Variants in SLC36A1 observed in about 807,000 individuals in gnomAD.
SLC36A1 encodes solute carrier family 36 member 1.
Under a neutral mutation model 47.5 loss-of-function variants are expected in SLC36A1, and 30 were observed. That is an observed-to-expected ratio of 0.63 (90% confidence interval 0.47 to 0.86). SLC36A1 has a LOEUF of 0.86. Among genes scored for constraint, SLC36A1 ranks in the 40% least tolerant of loss-of-function variants. SLC36A1 has a pLI of 0.00. For synonymous variants in SLC36A1, 255 were observed against 249.7 expected (o/e 1.02, Z -0.20); for missense variants, 517 against 606.0 (o/e 0.85, Z 1.54).
the SLC36A1 span, among the ~76,000 whole-genome samples, chr5:151,515,467 C>T: frequency 6.6e-6 from 1 of 152,132 alleles, no homozygotes; most frequent in Admixed American, 6.5e-5. Flanking sequence ...CTTGTCTTAC[C>T]AGATCCACTT....
chr5:151,520,492 A>G, the SLC36A1 span, among the ~76,000 whole-genome samples: 4 of 152,090 alleles, frequency 2.6e-5, no homozygotes, highest in Admixed American at 1.3e-4. Flanking sequence ...TTTAGGTGAC[A>G]TCTACACAGA....
downstream of SLC36A1, among the ~76,000 whole-genome samples, chr5:151,497,096 T>G (rs1760366597): frequency 1.3e-5 from 2 of 152,180 alleles, no homozygotes; most frequent in Admixed American, 1.3e-4. Flanking sequence ...CCAGTGTCTA[T>G]CTCTTTTCTT....
chr5:151,522,654 C>T, the SLC36A1 span, among the ~76,000 whole-genome samples: 1 of 152,216 alleles, frequency 6.6e-6, no homozygotes, highest in Non-Finnish European at 1.5e-5. Context: ...AGGAAATAAA[C>T]AGAGACCTAA....
the SLC36A1 span, among the ~76,000 whole-genome samples, chr5:151,539,473 G>A: frequency 2.6e-5 from 4 of 152,088 alleles, no homozygotes; most frequent in African/African-American, 4.8e-5. Context: ...TAGGTATATA[G>A]GTATATGCTT....
At chr5:151,508,580 C>G in the SLC36A1 span, among the ~76,000 whole-genome samples, 1 of 152,092 alleles carries the variant, frequency 6.6e-6, no homozygotes, top group African/African-American at 2.4e-5. Flanking sequence ...TGTTATGGCA[C>G]ATGCCTGTAA....
At chr5:151,537,715 A>G in the SLC36A1 span, 3 of 1,399,506 alleles carry the variant, frequency 2.1e-6, no homozygotes, top group East Asian at 2.3e-5. Flanking sequence ...TTCTTCTCCA[A>G]GGAGAATACC....
the SLC36A1 span, chr5:151,512,538 C>A: frequency 6.2e-7 from 1 of 1,614,186 alleles, no homozygotes; most frequent in African/African-American, 1.3e-5. The surrounding 1 kb of genome is among the most constrained non-coding windows in gnomAD (Gnocchi z 4.1). Context: ...TCACATGGCG[C>A]TGGGAGGAAA....
chr5:151,498,250 G>T, the SLC36A1 span, among the ~76,000 whole-genome samples: 1 of 152,044 alleles, frequency 6.6e-6, no homozygotes, highest in Non-Finnish European at 1.5e-5. Flanking sequence ...CGGCCAGGGG[G>T]GTGGGAATGT....
intron 2 of SLC36A1, among the ~76,000 whole-genome samples, chr5:151,462,779 G>GTTA (rs59698783): frequency 0.053 from 7,968 of 151,238 alleles, 711 homozygotes; most frequent in African/African-American, 0.18. Context: ...TGGGGCTTCT[G>GTTA]TTATTATTAT....
the SLC36A1 span, chr5:151,545,734 G>A: frequency 6.2e-7 from 1 of 1,614,010 alleles, no homozygotes; most frequent in Non-Finnish European, 8.5e-7. Context: ...GACCAACAAG[G>A]AATTAGCTTC....
chr5:151,502,024 C>G, the SLC36A1 span, among the ~76,000 whole-genome samples: 1 of 148,270 alleles, frequency 6.7e-6, no homozygotes, highest in Non-Finnish European at 1.5e-5. Context: ...AAATTAAAAA[C>G]GAGTAGGGCA....
the SLC36A1 span, chr5:151,553,347 C>T: frequency 1.1e-5 from 18 of 1,614,136 alleles, no homozygotes; most frequent in East Asian, 8.9e-5. Context: ...TAGCCGGACA[C>T]TGGCTGAGAG....
At chr5:151,522,248 A>C in the SLC36A1 span, 1 of 575,888 alleles carries the variant, frequency 1.7e-6, no homozygotes, top group Non-Finnish European at 3.0e-6. Context: ...CCTAACTCCA[A>C]AAGCACTGAC....
the SLC36A1 span, chr5:151,381,128 G>T: frequency 2.0e-6 from 1 of 490,356 alleles, no homozygotes. Flanking sequence ...CCTCTCTCTG[G>T]CAGGCAAGGA....
the SLC36A1 span, among the ~76,000 whole-genome samples, chr5:151,361,150 C>T: frequency 1.3e-5 from 2 of 152,164 alleles, no homozygotes; most frequent in Non-Finnish European, 2.9e-5. Flanking sequence ...AATCTTTTCA[C>T]ATTTTGATGA....
chr5:151,385,007 AGAGT>A, the SLC36A1 span, among the ~76,000 whole-genome samples: 437 of 102,074 alleles, frequency 4.3e-3, 3 homozygotes, highest in African/African-American at 0.021. Context: ...AGAGAGAGAG[AGAGT>A]GTGTGTGTGT....
chr5:151,423,384 C>T, the SLC36A1 span, among the ~76,000 whole-genome samples: 11 of 152,122 alleles, frequency 7.2e-5, no homozygotes, highest in Non-Finnish European at 1.6e-4. Context: ...TGGAAGCAAA[C>T]AAAATGTCCT....
chr5:151,546,781 T>C, the SLC36A1 span, among the ~76,000 whole-genome samples: 4 of 152,106 alleles, frequency 2.6e-5, no homozygotes, highest in Non-Finnish European at 5.9e-5. Flanking sequence ...TGTAGTGATG[T>C]GAGCATGGCT....
chr5:151,550,961 TAGCAC>T, the SLC36A1 span: 6 of 1,147,058 alleles, frequency 5.2e-6, no homozygotes, highest in Non-Finnish European at 7.5e-6. Context: ...CACCCAGGCC[TAGCAC>T]AGTGCCTGGC....
Sources: allele counts gnomAD v4.1 joint callset (sites outside exome capture counted in the v4.1 genomes callset), GRCh38; gene constraint gnomAD v4.1.1; non-coding constraint Gnocchi (gnomAD v3.1); transcripts MANE v1.5; gene names NCBI Gene and HGNC (gene_info 2026-07-23, HGNC 2026-07-21).